Variants in RBMS3 observed in about 807,000 individuals in gnomAD.
The protein encoded by RBMS3 is RNA-binding motif, single-stranded-interacting protein 3.
Under a neutral mutation model 66.8 loss-of-function variants are expected in RBMS3, and 27 were observed. That is an observed-to-expected ratio of 0.40 (90% CI 0.30 to 0.56). The LOEUF (loss-of-function observed/expected upper bound fraction) is 0.56, where lower values mean the gene tolerates loss of function less well. Ranked by LOEUF, RBMS3 falls within the 20% of genes least tolerant of loss-of-function variation. The pLI, the probability that RBMS3 is intolerant of heterozygous loss-of-function variation, is 0.40. For missense variants in RBMS3, 513 were observed against 549.5 expected (o/e 0.93, Z 0.66); for synonymous variants, 188 against 183.0 (o/e 1.03, Z -0.22).
At chr3:29,630,999 A>G (rs1021936793) in intron 4 of RBMS3, among the ~76,000 whole-genome samples, 6 of 151,972 alleles carry the variant, frequency 3.9e-5, no homozygotes, top group Non-Finnish European at 5.9e-5. Context: ...ATTATTGGGC[A>G]GTAGAAAAAT....
rs185681237 is a variant in RBMS3 at position 29,744,655 on chromosome 3, G to A, written c.557+4778G>A. Among the ~76,000 whole-genome samples, 500 of 152,110 alleles carry A rather than the reference G, an allele frequency of 3.3e-3. 6 individuals are homozygous for A. The highest frequency in any genetic ancestry group is 0.012 in the African/African-American group (482 of 41,470). On this transcript the variant is annotated intron_variant, in intron 5 of 14. Transcript: ENST00000383767. ...AAAAATTAGCCAGGCGTGGTGGCAC[G>A]TGCCTGTAATCCGAGCTACTCGGGA...
At chr3:29,732,639 TA>T (rs1385727954) in intron 4 of RBMS3, among the ~76,000 whole-genome samples, 1 of 152,230 alleles carries the variant, frequency 6.6e-6, no homozygotes, top group East Asian at 1.9e-4. Context: ...GAATTAGTGT[TA>T]AACTAATTCC....
chr3:29,450,112 C>T (rs995425037), intron 2 of RBMS3, among the ~76,000 whole-genome samples: 6 of 152,196 alleles, frequency 3.9e-5, no homozygotes, highest in South Asian at 2.1e-4. Context: ...GTCTGTCTAA[C>T]ATGGCCAAGG....
chr3:29,628,398 C>G (rs932910810), intron 4 of RBMS3, among the ~76,000 whole-genome samples: 11 of 152,104 alleles, frequency 7.2e-5, no homozygotes, highest in Non-Finnish European at 1.3e-4. Flanking sequence ...ACCTTTTCCA[C>G]CTACCTCTCA....
chr3:29,371,838 T>A (rs2038219934), intron 1 of RBMS3, among the ~76,000 whole-genome samples: 1 of 152,208 alleles, frequency 6.6e-6, no homozygotes, highest in African/African-American at 2.4e-5. Context: ...AACTAGGCGA[T>A]GTTTCAATCA....
chr3:29,525,187 A>G (rs1282653974), intron 3 of RBMS3, among the ~76,000 whole-genome samples: 1 of 152,196 alleles, frequency 6.6e-6, no homozygotes, highest in Non-Finnish European at 1.5e-5. Flanking sequence ...AGAACATTTA[A>G]GAAATTCATG....
At position 29,330,696 on chromosome 3, in the gene RBMS3, C is replaced by T. The variant is rs571746161; in HGVS notation, c.75+48940C>T. Among the ~76,000 whole-genome samples, 113 of 152,128 alleles carry T rather than the reference C, an allele frequency of 7.4e-4. No homozygotes were observed. The South Asian group carries it at 0.012, about 17-fold the overall frequency. ...AATATTGAAGCAGTGCTTAAGTTTC[C>T]CCTGCTAACTCATTCCTCCCTGCTC... On this transcript the variant is annotated intron_variant, in intron 1 of 14. Transcript: ENST00000383767.
At chr3:29,568,142 G>C (rs2046811554) in intron 3 of RBMS3, among the ~76,000 whole-genome samples, 1 of 152,080 alleles carries the variant, frequency 6.6e-6, no homozygotes, top group Non-Finnish European at 1.5e-5. Context: ...TTGGTTACCT[G>C]CTTCCTCAAA....
intron 1 of RBMS3, among the ~76,000 whole-genome samples, chr3:29,312,033 C>T (rs754191439): frequency 1.3e-5 from 2 of 151,780 alleles, no homozygotes; most frequent in African/African-American, 2.4e-5. Flanking sequence ...AAGTCAGTTT[C>T]GTTTCCCATA....
chr3:29,354,085 T>A (rs1156831413), intron 1 of RBMS3, among the ~76,000 whole-genome samples: 4 of 152,110 alleles, frequency 2.6e-5, no homozygotes, highest in Non-Finnish European at 5.9e-5. Context: ...TGATTTTTGT[T>A]TGGTGGTAGG....
chr3:29,284,298 AT>A (rs1173595613), intron 1 of RBMS3, among the ~76,000 whole-genome samples: 1 of 151,968 alleles, frequency 6.6e-6, no homozygotes, highest in East Asian at 1.9e-4. Flanking sequence ...CATATCTTAA[AT>A]TTTTCTCTAA....
intron 2 of RBMS3, among the ~76,000 whole-genome samples, chr3:29,472,996 C>T (rs2042797106): frequency 6.6e-6 from 1 of 150,868 alleles, no homozygotes; most frequent in African/African-American, 2.4e-5. Context: ...GAGCTAGACA[C>T]AAAGGTTCTC....
chr3:29,449,275 T>C (rs2041937729), intron 2 of RBMS3, among the ~76,000 whole-genome samples: 1 of 152,202 alleles, frequency 6.6e-6, no homozygotes, highest in Non-Finnish European at 1.5e-5. Context: ...ATGTCTAGTT[T>C]GGGGAAAAAA....
At chr3:29,790,201 T>C (rs1039096290) in intron 6 of RBMS3, among the ~76,000 whole-genome samples, 9 of 152,176 alleles carry the variant, frequency 5.9e-5, no homozygotes, top group African/African-American at 9.6e-5. Flanking sequence ...CAAGGACGAC[T>C]TTAAAAATCT....
At chr3:29,814,111 G>A (rs1405930412) in intron 6 of RBMS3, among the ~76,000 whole-genome samples, 1 of 151,640 alleles carries the variant, frequency 6.6e-6, no homozygotes, top group East Asian at 1.9e-4. Flanking sequence ...GATAATGGCT[G>A]TGGGTTTGTC....
At chr3:29,709,744 G>A (rs1200186952) in intron 4 of RBMS3, among the ~76,000 whole-genome samples, 1 of 152,066 alleles carries the variant, frequency 6.6e-6, no homozygotes, top group Admixed American at 6.5e-5. Flanking sequence ...CCTATATAAT[G>A]CACATTTAAA....
chr3:29,506,784 A>G (rs889692787), intron 3 of RBMS3, among the ~76,000 whole-genome samples: 9 of 151,464 alleles, frequency 5.9e-5, no homozygotes, highest in African/African-American at 1.9e-4. Flanking sequence ...CCATTACTTC[A>G]TGGTTTAGTC....
At chr3:29,922,509 A>G (rs905303475) in intron 10 of RBMS3, among the ~76,000 whole-genome samples, 52 of 151,660 alleles carry the variant, frequency 3.4e-4, no homozygotes, top group African/African-American at 8.2e-4. Flanking sequence ...AAAAAAAAAA[A>G]AAAAAGAAAA....
chr3:29,646,421 A>G (rs1576430250), intron 4 of RBMS3, among the ~76,000 whole-genome samples: 1 of 152,226 alleles, frequency 6.6e-6, no homozygotes, highest in Non-Finnish European at 1.5e-5. Context: ...TTGTAATTGC[A>G]TCTCATCATG....
Sources: allele counts gnomAD v4.1 joint callset (sites outside exome capture counted in the v4.1 genomes callset), GRCh38; gene constraint gnomAD v4.1.1; transcripts MANE v1.5; gene names NCBI Gene and HGNC (gene_info 2026-07-23, HGNC 2026-07-21).